The following TPRX1 variants were observed in gnomAD, a reference collection of about 807,000 sequenced individuals.
TPRX1 encodes the protein tetrapeptide repeat homeobox 1, also known as tetra-peptide repeat homeobox protein 1.
Under a neutral mutation model 8.1 loss-of-function variants are expected in TPRX1, and 2 were observed. That is an observed-to-expected ratio of 0.25 (90% CI 0.10 to 0.78). The LOEUF (loss-of-function observed/expected upper bound fraction) is 0.78, where lower values mean the gene tolerates loss of function less well. Ranked by LOEUF, TPRX1 falls within the 30% of genes least tolerant of loss-of-function variation. The pLI is 0.70. For synonymous variants in TPRX1, 257 were observed against 254.1 expected (o/e 1.01, Z -0.11); for missense variants, 517 against 586.9 (o/e 0.88, Z 1.23).
chr19:47,815,143 TGCAAATATATATATA>T (rs1393959912), intron 2 of TPRX1, among the ~76,000 whole-genome samples: 17 of 76,948 alleles, frequency 2.2e-4, no homozygotes, highest in African/African-American at 7.6e-4. Flanking sequence ...TATATATATA[TGCAAATATATATATA>T]TATATTTTTT....
At chr19:47,804,422 C>G (rs955516318) in intron 2 of TPRX1, among the ~76,000 whole-genome samples, 93 bp downstream of exon 1, 1 of 152,200 alleles carries the variant, frequency 6.6e-6, no homozygotes, top group Non-Finnish European at 1.5e-5. Context: ...GCCGCCCGCA[C>G]AGGCCCAGCC....
exon 4 of TPRX1, chr19:47,802,561 A>ACGGAATGGGCCT: frequency 1.3e-6 from 2 of 1,497,424 alleles, no homozygotes; most frequent in Non-Finnish European, 1.8e-6. Context: ...GGATTGGGCC[A>ACGGAATGGGCCT]CGGAATGGGC....
intron 2 of TPRX1, among the ~76,000 whole-genome samples, chr19:47,809,321 C>T (rs1013596839): frequency 2.0e-5 from 3 of 151,950 alleles, no homozygotes; most frequent in Non-Finnish European, 2.9e-5. Flanking sequence ...CTCTCTATCA[C>T]CCAGGCTGCG....
At chr19:47,802,855 G>A (rs747690445) in exon 4 of TPRX1, 1 of 1,600,848 alleles carries the variant, frequency 6.2e-7, no homozygotes, top group East Asian at 2.2e-5. Context: ...GAGGTGCGGA[G>A]GCAGAGGCTG....
intron 2 of TPRX1, 106 bp from the exon 2 acceptor site, chr19:47,803,779 G>A (rs1048374164): frequency 1.8e-6 from 1 of 544,212 alleles, no homozygotes; most frequent in Admixed American, 3.1e-5. Flanking sequence ...GTGTGGGCTG[G>A]GGCGGCACCG....
intron 2 of TPRX1, among the ~76,000 whole-genome samples, chr19:47,810,697 C>A (rs959583841): frequency 6.6e-6 from 1 of 151,976 alleles, no homozygotes; most frequent in Non-Finnish European, 1.5e-5. Flanking sequence ...TGGGGTTGAC[C>A]TCTTGGTGGG....
chr19:47,802,827 T>C (rs780603001), exon 4 of TPRX1: 2 of 1,601,426 alleles, frequency 1.2e-6, no homozygotes, highest in Admixed American at 3.4e-5. Context: ...GCTGGAAGGA[T>C]TCCCGAGGGG....
rs1386244479 is a variant in TPRX1 at position 47,802,578 on chromosome 19, T to A, written c.724A>T (p.Ile242Phe). Residue 242 changes from isoleucine to phenylalanine, a missense_variant, in exon 4 of 4, where the codon ATC becomes TTC. Transcript: ENST00000535759. ...ATTGGGCCACGGAATGGGCCTGGGATCTGGACTGGGCCTGAAATTGGGCCT... is the reference window on the plus strand; with the variant it reads ...ATTGGGCCACGGAATGGGCCTGGGAACTGGACTGGGCCTGAAATTGGGCCT... 4.5e-6 allele frequency: 7 copies of A among 1,540,142 alleles called. No individual in the cohort carries two copies. The African/African-American group carries it at 1.0e-4, about 22-fold the overall frequency.
At chr19:47,804,956 A>C (rs968008539) in intron 2 of TPRX1, among the ~76,000 whole-genome samples, 3 of 152,146 alleles carry the variant, frequency 2.0e-5, no homozygotes, top group African/African-American at 4.8e-5. Context: ...AATGCCGGTG[A>C]GTCTACCCAC....
At chr19:47,815,135 TATATATATGCAAATATATATATATA>T (rs1967824600) in intron 2 of TPRX1, among the ~76,000 whole-genome samples, 3 of 114,098 alleles carry the variant, frequency 2.6e-5, no homozygotes, top group African/African-American at 1.0e-4. Flanking sequence ...TATATATATA[TATATATATGCAAATATATATATATA>T]TATTTTTTTT....
At chr19:47,801,977 G>A in exon 4 of TPRX1, 1 of 1,614,072 alleles carries the variant, frequency 6.2e-7, no homozygotes, top group South Asian at 1.1e-5. Context: ...CTGGGTGTCT[G>A]GCAAGAAGTC....
chr19:47,813,957 G>A (rs927405962), intron 2 of TPRX1, among the ~76,000 whole-genome samples: 2 of 150,708 alleles, frequency 1.3e-5, no homozygotes, highest in African/African-American at 4.9e-5. Context: ...TGGTGGGGGC[G>A]GGGTGGGGGT....
intron 2 of TPRX1, among the ~76,000 whole-genome samples, chr19:47,813,157 AC>A (rs200894986): frequency 4.5e-5 from 5 of 111,206 alleles, no homozygotes; most frequent in South Asian, 3.0e-4. Flanking sequence ...AAATAAAACA[AC>A]CCCCCCCACC....
chr19:47,818,288 A>G (rs1188058613), intron 2 of TPRX1, among the ~76,000 whole-genome samples: 1 of 131,412 alleles, frequency 7.6e-6, no homozygotes, highest in Non-Finnish European at 1.5e-5. Flanking sequence ...TCACCCATCC[A>G]TCCATCCATC....
chr19:47,805,796 A>G (rs955165258), intron 2 of TPRX1, among the ~76,000 whole-genome samples: 3 of 152,224 alleles, frequency 2.0e-5, no homozygotes, highest in African/African-American at 7.2e-5. Flanking sequence ...AAAGACATAA[A>G]CAGATGAACA....
chr19:47,813,223 A>T (rs1967801322), intron 2 of TPRX1, among the ~76,000 whole-genome samples: 1 of 146,514 alleles, frequency 6.8e-6, no homozygotes, highest in African/African-American at 2.5e-5. Flanking sequence ...GCTACTTGGG[A>T]GGCTGAGGTG....
intron 2 of TPRX1, among the ~76,000 whole-genome samples, chr19:47,814,906 T>C (rs1310659026): frequency 2.0e-5 from 3 of 151,138 alleles, no homozygotes; most frequent in African/African-American, 7.3e-5. Flanking sequence ...CTCAAGCAAT[T>C]CTCCTGCCTC....
rs530993258 is a variant in TPRX1, at chr19:47,803,912, G to T, written c.152-239C>A. Among the ~76,000 whole-genome samples the T allele has an allele frequency of 1.2e-4, 19 of 152,180 alleles. No homozygotes were observed. In the East Asian group the frequency reaches 2.7e-3, roughly 22 times the overall value. ...GGCAGCGTAGGCGCCTCACCTCGGA[G>T]CAGACGGGGCTGCCTCAGGCCTGCT... On this transcript the variant is annotated intron_variant, in intron 2 of 3. Transcript: ENST00000535759.
chr19:47,809,079 T>A (rs1967759906), intron 2 of TPRX1, among the ~76,000 whole-genome samples: 1 of 151,760 alleles, frequency 6.6e-6, no homozygotes, highest in Non-Finnish European at 1.5e-5. Context: ...TTTGTTGGGC[T>A]TTTTTTTCCC....
Sources: gnomAD v4.1 joint callset for allele counts (sites outside exome capture counted in the v4.1 genomes callset) on GRCh38, gnomAD v4.1.1 for gene constraint, MANE v1.5 for transcripts, NCBI Gene and HGNC (gene_info 2026-07-23, HGNC 2026-07-21) for gene names.